Variants in CRYBG1 observed in about 807,000 individuals in gnomAD.
CRYBG1 encodes crystallin beta-gamma domain containing 1.
Under a neutral mutation model 189.2 loss-of-function variants are expected in CRYBG1, and 139 were observed. That is an observed-to-expected ratio of 0.73 (90% CI 0.64 to 0.85). The LOEUF is 0.85. Among genes scored for constraint, CRYBG1 ranks in the 40% least tolerant of loss-of-function variants. The pLI is 0.00. For missense variants in CRYBG1, 2,611 were observed against 2,675.8 expected, an observed-to-expected ratio of 0.98 and a Z score of 0.53; for synonymous variants, 1,023 against 1,017.1, an observed-to-expected ratio of 1.01 and a Z score of -0.11.
chr6:106,527,522 C>G, intron 7 of CRYBG1, 52 bp downstream of exon 7: 2 of 1,542,996 alleles, frequency 1.3e-6, no homozygotes, highest in South Asian at 2.5e-5. Flanking sequence ...TTTATGGATT[C>G]TTACTTTAAG....
chr6:106,504,472 T>G (rs991058981), intron 2 of CRYBG1, among the ~76,000 whole-genome samples: 1 of 152,162 alleles, frequency 6.6e-6, no homozygotes, highest in African/African-American at 2.4e-5. Flanking sequence ...CAGAGGTTCA[T>G]AGTTCTGTCT....
intron 1 of CRYBG1, among the ~76,000 whole-genome samples, chr6:106,425,319 CA>C (rs1334054047): frequency 1.3e-5 from 2 of 152,154 alleles, no homozygotes; most frequent in Non-Finnish European, 2.9e-5. Context: ...CTTTGCTTCT[CA>C]GTTTCGCTGC....
At chr6:106,539,316 C>T in intron 8 of CRYBG1, 87 bp from the exon 9 acceptor site, 3 of 1,489,370 alleles carry the variant, frequency 2.0e-6, no homozygotes, top group South Asian at 2.5e-5. Flanking sequence ...CTGTTCTTTT[C>T]CTCTCATCCT....
intron 2 of CRYBG1, among the ~76,000 whole-genome samples, chr6:106,469,754 C>G (rs1445749021): frequency 6.6e-6 from 1 of 152,134 alleles, no homozygotes; most frequent in African/African-American, 2.4e-5. Context: ...CACTGCCCCA[C>G]TTAATGGCAT....
At chr6:106,412,829 C>T (rs1056151451) in intron 1 of CRYBG1, among the ~76,000 whole-genome samples, 1 of 151,784 alleles carries the variant, frequency 6.6e-6, no homozygotes, top group African/African-American at 2.4e-5. Context: ...CCAGCGGACA[C>T]CTGAAGATGA....
intron 4 of CRYBG1, among the ~76,000 whole-genome samples, chr6:106,524,173 T>C (rs888304364): frequency 6.6e-6 from 1 of 152,240 alleles, no homozygotes. Flanking sequence ...ATTACTATTT[T>C]ATTATCTTAT....
chr6:106,504,653 GTGTGTGTGTATA>G (rs1773091179), intron 2 of CRYBG1, among the ~76,000 whole-genome samples: 2 of 21,298 alleles, frequency 9.4e-5, no homozygotes, highest in African/African-American at 1.1e-4. Flanking sequence ...GTGTGTGTTT[GTGTGTGTGTATA>G]TGTGTGTGTG....
chr6:106,423,542 T>C (rs898247764), intron 1 of CRYBG1, among the ~76,000 whole-genome samples: 1 of 152,080 alleles, frequency 6.6e-6, no homozygotes, highest in African/African-American at 2.4e-5. Context: ...AAGAGCTGCA[T>C]TGAAGCACTA....
At chr6:106,379,807 T>G (rs1293897226) in intron 1 of CRYBG1, among the ~76,000 whole-genome samples, 1 of 151,880 alleles carries the variant, frequency 6.6e-6, no homozygotes, top group Non-Finnish European at 1.5e-5. Context: ...CTCCAACTCC[T>G]GGCCTCAAAA....
At chr6:106,541,684 A>G (rs771629215) in intron 10 of CRYBG1, 63 bp downstream of exon 10, 1 of 1,122,524 alleles carries the variant, frequency 8.9e-7, no homozygotes, top group Non-Finnish European at 1.3e-6. Flanking sequence ...ATACACATAT[A>G]TATGTACTTA....
intron 4 of CRYBG1, among the ~76,000 whole-genome samples, chr6:106,522,350 AT>A (rs34801311): frequency 0.23 from 35,009 of 151,956 alleles, 4,291 homozygotes; most frequent in South Asian, 0.34. Context: ...TTAGGGAAAT[AT>A]TTTTTTTACC....
chr6:106,543,392 G>A (rs1458906566), intron 10 of CRYBG1, 48 bp from the exon 11 acceptor site: 20 of 1,532,746 alleles, frequency 1.3e-5, no homozygotes, highest in Non-Finnish European at 1.8e-5. Context: ...ATGTTAAGCT[G>A]TTGGGATACT....
At chr6:106,427,625 C>T (rs961559070) in intron 1 of CRYBG1, among the ~76,000 whole-genome samples, 2 of 152,180 alleles carry the variant, frequency 1.3e-5, no homozygotes, top group African/African-American at 2.4e-5. Flanking sequence ...TCCCGCTGCC[C>T]TACTGTCTCC....
intron 2 of CRYBG1, among the ~76,000 whole-genome samples, chr6:106,504,043 A>C (rs985175113): frequency 2.1e-5 from 3 of 146,154 alleles, no homozygotes; most frequent in Non-Finnish European, 4.5e-5. Context: ...AAAAAAAAAA[A>C]AAAAACCACA....
intron 2 of CRYBG1, among the ~76,000 whole-genome samples, chr6:106,473,067 T>A (rs1008864590): frequency 1.3e-5 from 2 of 152,226 alleles, no homozygotes; most frequent in African/African-American, 2.4e-5. Context: ...GTGATTAGTA[T>A]TGTGTTTAGA....
At chr6:106,497,588 A>T (rs1772881664) in intron 2 of CRYBG1, among the ~76,000 whole-genome samples, 1 of 152,226 alleles carries the variant, frequency 6.6e-6, no homozygotes, top group Non-Finnish European at 1.5e-5. Context: ...CGTGTATGTG[A>T]TAGTCAAATA....
At chr6:106,461,096 TG>T (rs11358724) in intron 2 of CRYBG1, among the ~76,000 whole-genome samples, 152,333 of 152,334 alleles carry the variant, frequency 1, 76,166 homozygotes, top group Non-Finnish European at 1. Context: ...TTGATCCCTT[TG>T]GTTAAAGTAA....
rs575091478 is a variant in CRYBG1 at position 106,566,647 on chromosome 6, G to A, written c.6302-1825G>A. ...CCACCACGCCCGGCTAGCTACAACA[G>A]TTTTAATTCCTTGTTAAACTGAATT... On this transcript the variant is annotated intron_variant, in intron 21 of 21. Transcript: ENST00000633556. Among the ~76,000 whole-genome samples, 256 of 151,638 alleles carry A rather than the reference G, an allele frequency of 1.7e-3. 1 individual carries two copies. Among genetic ancestry groups the A allele is most frequent in the African/African-American group, 5.9e-3 (244 of 41,334 alleles).
At chr6:106,517,642 T>A (rs535487454) in intron 3 of CRYBG1, among the ~76,000 whole-genome samples, 1 of 151,506 alleles carries the variant, frequency 6.6e-6, no homozygotes, top group South Asian at 2.1e-4. Context: ...ATCCCTACTT[T>A]CCCCAACTGC....
Sources: gnomAD v4.1 joint callset for allele counts (sites outside exome capture counted in the v4.1 genomes callset) on GRCh38, gnomAD v4.1.1 for gene constraint, MANE v1.5 for transcripts, NCBI Gene and HGNC (gene_info 2026-07-23, HGNC 2026-07-21) for gene names.